The following SEMA3C variants were observed in gnomAD, a reference collection of about 807,000 sequenced individuals.
SEMA3C encodes semaphorin 3C.
A neutral mutation model predicts 89.4 loss-of-function variants in SEMA3C; 47 were observed. The observed-to-expected ratio is 0.53, with a 90% CI of 0.42 to 0.67. The LOEUF is 0.67. SEMA3C is among the 30% of genes least tolerant of loss of function. The pLI is 0.00. For synonymous variants in SEMA3C, 310 were observed against 320.2 expected, an observed-to-expected ratio of 0.97 and a Z score of 0.34; for missense variants, 839 against 929.1, an observed-to-expected ratio of 0.90 and a Z score of 1.26.
intron 2 of SEMA3C, among the ~76,000 whole-genome samples, chr7:80,830,845 A>C: frequency 6.6e-6 from 1 of 152,162 alleles, no homozygotes; most frequent in African/African-American, 2.4e-5. Context: ...AGAGCACGTA[A>C]GGGGAGAGGG....
Position 80,793,747 on chromosome 7 carries a change from A to C in SEMA3C, c.1132-4219T>G, listed in dbSNP as rs559490538. On this transcript the variant is annotated intron_variant, in intron 11 of 17. Coordinates refer to ENST00000265361, the MANE Select transcript of SEMA3C (RefSeq NM_006379.5). ...ACTGTAATTCGTAGGGCATGGCTGG[A>C]TCATGGAGCCCAAAGTGAAGGAAGG... Among the ~76,000 whole-genome samples the C allele has an allele frequency of 1.4e-3, 207 of 151,954 alleles. 1 individual carries two copies. Among genetic ancestry groups the C allele is most frequent in the African/African-American group, 4.4e-3 (181 of 41,488 alleles).
chr7:80,759,478 T>G (rs2117049517), intron 14 of SEMA3C, among the ~76,000 whole-genome samples: 1 of 152,316 alleles, frequency 6.6e-6, no homozygotes, highest in Non-Finnish European at 1.5e-5. Context: ...GCTGTGTAAC[T>G]TTTCTGAATC....
intron 12 of SEMA3C, among the ~76,000 whole-genome samples, chr7:80,768,471 G>T (rs976662908): frequency 3.3e-5 from 5 of 150,844 alleles, no homozygotes; most frequent in Admixed American, 6.6e-5. Flanking sequence ...CCAAGATCGC[G>T]CCACTGCACT....
intron 11 of SEMA3C, 100 bp downstream of exon 11, chr7:80,797,992 C>T (rs528398896): frequency 4.1e-5 from 48 of 1,174,742 alleles, no homozygotes; most frequent in Middle Eastern, 2.5e-4. Flanking sequence ...AGTGAGACTC[C>T]GTCTCAAAAA....
At chr7:80,842,944 A>G (rs1469672070) in intron 2 of SEMA3C, among the ~76,000 whole-genome samples, 7 of 152,178 alleles carry the variant, frequency 4.6e-5, no homozygotes, top group Admixed American at 6.6e-5. Flanking sequence ...TATGAAAAGA[A>G]CAAAATTATA....
At chr7:80,863,924 CATAT>C (rs779560690) in intron 2 of SEMA3C, among the ~76,000 whole-genome samples, 1 of 121,862 alleles carries the variant, frequency 8.2e-6, no homozygotes, top group Admixed American at 7.9e-5. Flanking sequence ...ACATATATAT[CATAT>C]ATATCACATA....
intron 2 of SEMA3C, among the ~76,000 whole-genome samples, chr7:80,877,515 A>C (rs1409142890): frequency 6.6e-6 from 1 of 152,158 alleles, no homozygotes; most frequent in Non-Finnish European, 1.5e-5. Context: ...GATTTAAATT[A>C]CCATACTCCC....
intron 11 of SEMA3C, among the ~76,000 whole-genome samples, chr7:80,797,568 A>G (rs1459134476): frequency 6.6e-6 from 1 of 152,202 alleles, no homozygotes; most frequent in African/African-American, 2.4e-5. Flanking sequence ...CATTTGTTGT[A>G]ATTATTTGCT....
At chr7:80,886,355 CTT>C (rs71893387) in intron 2 of SEMA3C, among the ~76,000 whole-genome samples, 21 of 141,076 alleles carry the variant, frequency 1.5e-4, no homozygotes, top group Non-Finnish European at 1.4e-4. Context: ...GGAAATTAAA[CTT>C]TTTTTTTTTT....
intron 12 of SEMA3C, among the ~76,000 whole-genome samples, chr7:80,776,763 T>C (rs1265054627): frequency 6.6e-6 from 1 of 152,202 alleles, no homozygotes; most frequent in African/African-American, 2.4e-5. Flanking sequence ...TAGTGGGTAC[T>C]CAAATGTAGG....
chr7:80,769,249 C>T (rs1234044805), intron 12 of SEMA3C, among the ~76,000 whole-genome samples: 2 of 152,066 alleles, frequency 1.3e-5, no homozygotes, highest in African/African-American at 2.4e-5. Context: ...TTAAAATATA[C>T]AATAAATTAC....
chr7:80,768,469 G>A lies in SEMA3C; in HGVS notation c.1355-3226C>T, dbSNP rs1019172789. 5.3e-5 allele frequency among the ~76,000 whole-genome samples: 8 copies of A among 150,876 alleles called. No individual in the cohort carries two copies. In the East Asian group the frequency reaches 5.8e-4, roughly 11 times the overall value. Reference sequence around the variant, plus strand: ...GCGGAGCTTGCAGTGAGCCAAGATCGCGCCACTGCACTCCAGCCTGGGCGA... The same window carrying A: ...GCGGAGCTTGCAGTGAGCCAAGATCACGCCACTGCACTCCAGCCTGGGCGA... On this transcript the variant is annotated intron_variant, in intron 12 of 17. Transcript: ENST00000265361.
At chr7:80,819,831 TA>T (rs1323294507) in intron 4 of SEMA3C, among the ~76,000 whole-genome samples, 1 of 152,192 alleles carries the variant, frequency 6.6e-6, no homozygotes, top group Non-Finnish European at 1.5e-5. Context: ...GTTCCACAGT[TA>T]CTAGCTTCAC....
At chr7:80,902,281 A>T (rs1261240216) in intron 2 of SEMA3C, among the ~76,000 whole-genome samples, 1 of 152,222 alleles carries the variant, frequency 6.6e-6, no homozygotes, top group African/African-American at 2.4e-5. Flanking sequence ...GAACAAGTAA[A>T]GATGACATAT....
chr7:80,821,935 G>A (rs940178440), intron 4 of SEMA3C, among the ~76,000 whole-genome samples: 2 of 150,870 alleles, frequency 1.3e-5, no homozygotes, highest in African/African-American at 2.4e-5. Flanking sequence ...GTTGCTCAAT[G>A]TGCTCCCTGC....
chr7:80,781,336 A>AT (rs1212932579), intron 12 of SEMA3C, among the ~76,000 whole-genome samples: 1 of 152,198 alleles, frequency 6.6e-6, no homozygotes, highest in Non-Finnish European at 1.5e-5. Flanking sequence ...TGCCCACCCC[A>AT]TTAGTGGAAG....
At chr7:80,888,907 T>C (rs779954623) in intron 2 of SEMA3C, among the ~76,000 whole-genome samples, 2 of 152,170 alleles carry the variant, frequency 1.3e-5, no homozygotes, top group Non-Finnish European at 2.9e-5. Flanking sequence ...TCAGGAACCC[T>C]GGCTGGGGTG....
intron 2 of SEMA3C, among the ~76,000 whole-genome samples, 199 bp from the exon 3 acceptor site, chr7:80,828,944 C>A (rs1160114769): frequency 1.3e-5 from 2 of 152,122 alleles, no homozygotes; most frequent in Admixed American, 6.6e-5. Flanking sequence ...ATGATGGTCA[C>A]CTGAAGCCAG....
At chr7:80,911,128 A>C (rs1792137490) in intron 2 of SEMA3C, among the ~76,000 whole-genome samples, 1 of 152,142 alleles carries the variant, frequency 6.6e-6, no homozygotes, top group Admixed American at 6.5e-5. Context: ...ATTTTATTTC[A>C]TTTTCAGGCA....
Sources: gnomAD v4.1 joint callset for allele counts (sites outside exome capture counted in the v4.1 genomes callset) on GRCh38, gnomAD v4.1.1 for gene constraint, MANE v1.5 for transcripts, NCBI Gene and HGNC (gene_info 2026-07-23, HGNC 2026-07-21) for gene names.